The following KDM1B variants were observed in gnomAD, a reference collection of about 807,000 sequenced individuals.
KDM1B encodes lysine demethylase 1B.
In KDM1B, 63 loss-of-function variants were observed where a neutral mutation model predicts 107.4. That is an observed-to-expected ratio of 0.59 (90% CI 0.48 to 0.72). KDM1B has a LOEUF of 0.72. Ranked by LOEUF, KDM1B falls within the 30% of genes least tolerant of loss-of-function variation. The pLI is 0.00. For synonymous variants in KDM1B, 363 were observed against 363.9 expected (o/e 1.00, Z 0.03); for missense variants, 749 against 1,020.8 (o/e 0.73, Z 3.63).
chr6:18,200,397 T>C lies in KDM1B; in HGVS notation c.1222-42T>C. 6.3e-7 allele frequency: 1 copy of C among 1,593,606 alleles called. No homozygotes were observed. The highest frequency in any genetic ancestry group is 8.6e-7 in the Non-Finnish European group (1 of 1,167,856). On this transcript the variant is annotated intron_variant, in intron 12 of 21. Coordinates refer to ENST00000650836, the MANE Select transcript of KDM1B (RefSeq NM_001364614.2). This position sits in a 1 kb window ranked among gnomAD's most constrained non-coding sequence, Gnocchi z 4.3. ...TTTATAATACTGTGTCTGATATAAC[T>C]CTTGTGTCCTATTTAGCTTCCCTGA...
rs1789080857 is a variant in KDM1B at position 18,214,582 on chromosome 6, G to A, written c.2110-425G>A. Among the ~76,000 whole-genome samples, 1 of 152,166 alleles carries A rather than the reference G, an allele frequency of 6.6e-6. No individual in the cohort carries two copies. Among genetic ancestry groups the A allele is most frequent in the African/African-American group, 2.4e-5 (1 of 41,428 alleles). ...GACTGGCGAGTGACGTGCGGATAAG[G>A]GACAGCCAGAAATAGTGACATTTAA... On this transcript the variant is annotated intron_variant, in intron 19 of 21. Transcript: ENST00000650836. The surrounding 1 kb of genome is among the most constrained non-coding windows in gnomAD (Gnocchi z 4.4).
Position 18,197,118 on chromosome 6 carries a change from G to A in KDM1B, c.1031G>A (p.Arg344Gln), listed in dbSNP as rs1057172622. The A allele has an allele frequency of 6.2e-7, 1 of 1,613,948 alleles. No homozygotes were observed. Among genetic ancestry groups the A allele is most frequent in the African/African-American group, 1.3e-5 (1 of 74,996 alleles). ...HIIVRGLVRI[R>Q]CVQEVERILY... ...ATCGTCCGGGGTCTCGTGCGTATTC[G>A]ATGCGTTCAGGAAGTGGAGAGAATA... The change falls in exon 11 of 22, where the codon CGA (arginine) becomes CAA (glutamine). Residue 344 changes from arginine (R) to glutamine (Q), a missense_variant. Coordinates refer to ENST00000650836, the MANE Select transcript of KDM1B (RefSeq NM_001364614.2). This position sits in a 1 kb window ranked among gnomAD's most constrained non-coding sequence, Gnocchi z 4.5.
Position 18,159,740 on chromosome 6 carries a change from AAAAGAAAAG to A in KDM1B, c.-13-134_-13-126del. On this transcript the variant is annotated intron_variant, in intron 2 of 21. Transcript: ENST00000650836. This position sits in a 1 kb window ranked among gnomAD's most constrained non-coding sequence, Gnocchi z 4.5. The stretch of plus-strand genomic sequence containing the variant: ...CTGGGCAACATGGCAAGAATGTCTC[AAAAGAAAAG>A]AAAGAAAACTGTAGCTTTGTATTTA... 1 of 596,692 alleles carries A rather than the reference AAAAGAAAAG, an allele frequency of 1.7e-6. No homozygotes were observed. Among genetic ancestry groups the A allele is most frequent in the Non-Finnish European group, 2.9e-6 (1 of 345,116 alleles). The allele number at this position is 596,692 out of a possible 1,614,324, so 37.0% of individuals were successfully genotyped here.
At chr6:18,185,693 T>C (rs1243386629) in intron 7 of KDM1B, 79 bp from the exon 8 acceptor site, 12 of 1,214,656 alleles carry the variant, frequency 9.9e-6, no homozygotes, top group Admixed American at 1.7e-5. Context: ...TGAAAAGAGA[T>C]ATCTTATTGA....
Position 18,197,069 on chromosome 6 carries a change from C to T in KDM1B, c.982C>T (p.Pro328Ser). 1 of 1,610,652 alleles carries T rather than the reference C, an allele frequency of 6.2e-7. No homozygotes were observed. The highest frequency in any genetic ancestry group is 1.3e-5 in the African/African-American group (1 of 74,954). Residue 328 changes from proline to serine, a missense_variant, in exon 11 of 22, where the codon CCT (proline) becomes TCT (serine). Coordinates refer to ENST00000650836, the MANE Select transcript of KDM1B (RefSeq NM_001364614.2). The surrounding 1 kb of genome is among the most constrained non-coding windows in gnomAD (Gnocchi z 4.5). ...TTTCCAAACACAGGAAGCTCTTACT[C>T]CTCAGAAATGTATTCCTCACATCAT... ...WYTNCKEALT[P>S]QKCIPHIIVR...
At chr6:18,210,337 CTTTTCTTTTTTTTTTT>C (rs1788740586) in intron 17 of KDM1B, among the ~76,000 whole-genome samples, 2 of 56,186 alleles carry the variant, frequency 3.6e-5, no homozygotes, top group Non-Finnish European at 7.6e-5. Context: ...TTTTCTCTTT[CTTTTCTTTTTTTTTTT>C]TTTTTTTTTT....
Position 18,161,452 on chromosome 6 carries a change from A to G in KDM1B, c.213A>G (p.Glu71=). The change falls in exon 4 of 22, where the codon GAA becomes GAG. Residue 71 remains glutamate (E), a splice_region_variant and synonymous_variant. Coordinates refer to ENST00000650836, the MANE Select transcript of KDM1B (RefSeq NM_001364614.2). ...TCPVCFASAS[E]RCAKNGYTSR... ...CTGTGTGCTTTGCAAGTGCTTCTGAAAGGTCTGTTTAGATGTGTGTCTTGG... is the reference window on the plus strand; with the variant it reads ...CTGTGTGCTTTGCAAGTGCTTCTGAGAGGTCTGTTTAGATGTGTGTCTTGG... 2.5e-6 allele frequency: 4 copies of G among 1,613,912 alleles called. No homozygotes were observed. The highest frequency in any genetic ancestry group is 3.4e-6 in the Non-Finnish European group (4 of 1,179,956).
chr6:18,165,160 A>T (rs1317516896), intron 5 of KDM1B, among the ~76,000 whole-genome samples: 2 of 105,864 alleles, frequency 1.9e-5, no homozygotes, highest in African/African-American at 3.7e-5. Flanking sequence ...TTGAGACAGA[A>T]TCTTACTCTG....
intron 10 of KDM1B, among the ~76,000 whole-genome samples, chr6:18,193,194 T>TAAAAA (rs541938365): frequency 6.7e-5 from 4 of 60,070 alleles, no homozygotes; most frequent in African/African-American, 1.1e-4. Flanking sequence ...AAACTCTGTC[T>TAAAAA]AAAAAAAAAA....
intron 6 of KDM1B, among the ~76,000 whole-genome samples, chr6:18,168,061 A>G (rs897368014): frequency 1.3e-5 from 2 of 152,310 alleles, no homozygotes; most frequent in East Asian, 3.9e-4. Flanking sequence ...TACCTGGCCA[A>G]TTTGCTAATT....
chr6:18,213,861 C>A lies in KDM1B; in HGVS notation c.2109+80C>A. On this transcript the variant is annotated intron_variant, in intron 19 of 21. Transcript: ENST00000650836. The surrounding 1 kb of genome is among the most constrained non-coding windows in gnomAD (Gnocchi z 5.9). Reference sequence around the variant, plus strand: ...ATGTGATAATTACTCACCTATCAAGCTCAGGAACTAACGAACATCATGGAG... The same window carrying A: ...ATGTGATAATTACTCACCTATCAAGATCAGGAACTAACGAACATCATGGAG... The A allele has an allele frequency of 1.3e-6, 2 of 1,488,354 alleles. No individual in the cohort carries two copies. The highest frequency in any genetic ancestry group is 1.9e-6 in the Non-Finnish European group (2 of 1,071,726). 92.2% of individuals were successfully genotyped at this position (1,488,354 alleles called of 1,614,324 possible). A position where few individuals can be genotyped will look rare whatever the true frequency, so the allele number is the denominator to read the frequency against.
In KDM1B at chr6:18,162,984, G is replaced by T. The variant is rs897172369; in HGVS notation, c.305+60G>T. On this transcript the variant is annotated intron_variant, in intron 5 of 21. Transcript: ENST00000650836. This position sits in a 1 kb window ranked among gnomAD's most constrained non-coding sequence, Gnocchi z 4.1. ...AAGGGGACCGTGGCAGGGGCAGTGC[G>T]TGTGGTCAGCTGATTAAAGCTTAGT... 3 of 996,404 alleles carry T rather than the reference G, an allele frequency of 3.0e-6. No homozygotes were observed. Among genetic ancestry groups the T allele is most frequent in the Non-Finnish European group, 4.9e-6 (3 of 617,942 alleles). The allele number at this position is 996,404 out of a possible 1,614,324, so 61.7% of individuals were successfully genotyped here.
In KDM1B at chr6:18,191,060, G is replaced by A. The variant is rs1561932091; in HGVS notation, c.785-137G>A. ...TTATGTACGTTTTGTCTAACTGGGT[G>A]GAGGAAGCAAAGGTATTTATGTAGG... On this transcript the variant is annotated intron_variant, in intron 9 of 21. Transcript: ENST00000650836. This position sits in a 1 kb window ranked among gnomAD's most constrained non-coding sequence, Gnocchi z 5.1. 1 of 587,974 alleles carries A rather than the reference G, an allele frequency of 1.7e-6. No homozygotes were observed. Among genetic ancestry groups the A allele is most frequent in the East Asian group, 2.9e-5 (1 of 34,524 alleles). The allele number at this position is 587,974 out of a possible 1,614,324, so 36.4% of individuals were successfully genotyped here.
intron 17 of KDM1B, among the ~76,000 whole-genome samples, chr6:18,210,194 A>G (rs1200730509): frequency 1.3e-5 from 2 of 152,080 alleles, no homozygotes; most frequent in Non-Finnish European, 2.9e-5. Context: ...TTTCAACCCA[A>G]CGTGATAGAC....
chr6:18,222,047 A>C lies in KDM1B; in HGVS notation c.*55A>C. ...CCCCAGATGGGGAAATTTGAATCAC[A>C]TGTTAAACCTCAGTTTTATAAGAGG... On this transcript the variant is annotated 3_prime_UTR_variant, in exon 22 of 22. Transcript: ENST00000650836. The C allele has an allele frequency of 6.8e-7, 1 of 1,473,826 alleles. No individual in the cohort carries two copies. The highest frequency in any genetic ancestry group is 9.5e-7 in the Non-Finnish European group (1 of 1,052,122). 91.3% of individuals were successfully genotyped at this position (1,473,826 alleles called of 1,614,324 possible).
At position 18,201,404 on chromosome 6, in the gene KDM1B, CTCTG is replaced by C; in HGVS notation, c.1360-77_1360-74del. The C allele has an allele frequency of 1.0e-6, 1 of 991,356 alleles. No homozygotes were observed. Among genetic ancestry groups the C allele is most frequent in the Non-Finnish European group, 1.5e-6 (1 of 678,392 alleles). 61.4% of individuals were successfully genotyped at this position (991,356 alleles called of 1,614,324 possible). Reference sequence around the variant, plus strand: ...TATGAGACCATTTTCTCCATGAGAGCTCTGTCTGATTTTCAGCTTAGAACCTGTA... The same window carrying C: ...TATGAGACCATTTTCTCCATGAGAGCTCTGATTTTCAGCTTAGAACCTGTA... On this transcript the variant is annotated intron_variant, in intron 13 of 21. Transcript: ENST00000650836. The surrounding 1 kb of genome is among the most constrained non-coding windows in gnomAD (Gnocchi z 4.3).
At chr6:18,181,609 G>A (rs1786484367) in intron 7 of KDM1B, among the ~76,000 whole-genome samples, 1 of 151,964 alleles carries the variant, frequency 6.6e-6, no homozygotes, top group African/African-American at 2.4e-5. Flanking sequence ...ACCTGGGCCT[G>A]GTGACGCGCT....
Position 18,186,954 on chromosome 6 carries a change from G to A in KDM1B, c.574-838G>A, listed in dbSNP as rs1342904465. 7.7e-6 allele frequency among the ~76,000 whole-genome samples: 1 copy of A among 129,672 alleles called. No homozygotes were observed. The highest frequency in any genetic ancestry group is 1.6e-5 in the Non-Finnish European group (1 of 61,938). 85.1% of individuals were successfully genotyped at this position (129,672 alleles called of 152,430 possible). A position where few individuals can be genotyped will look rare whatever the true frequency, so the allele number is the denominator to read the frequency against. Reference sequence around the variant, plus strand: ...GGACCCAGCCAAACCATATCAGTATGTATATATGTGTGTGTGTGTACACAC... The same window carrying A: ...GGACCCAGCCAAACCATATCAGTATATATATATGTGTGTGTGTGTACACAC... On this transcript the variant is annotated intron_variant, in intron 8 of 21. Transcript: ENST00000650836. The surrounding 1 kb of genome is among the most constrained non-coding windows in gnomAD (Gnocchi z 5.6).
intron 16 of KDM1B, 79 bp from the exon 17 acceptor site, chr6:18,208,053 A>T: frequency 9.9e-7 from 1 of 1,010,962 alleles, no homozygotes; most frequent in Non-Finnish European, 1.6e-6. Context: ...ATGTAAATTC[A>T]TGTAATATGA....
Sources: allele counts gnomAD v4.1 joint callset (sites outside exome capture counted in the v4.1 genomes callset), GRCh38; gene constraint gnomAD v4.1.1; non-coding constraint Gnocchi (gnomAD v3.1); transcripts MANE v1.5; gene names NCBI Gene and HGNC (gene_info 2026-07-23, HGNC 2026-07-21).